FAM3A: variants seen among roughly 807,000 people sequenced by gnomAD.
FAM3A encodes the protein protein FAM3A.
Under a neutral mutation model 18.1 loss-of-function variants are expected in FAM3A, and 5 were observed. The observed-to-expected ratio is 0.28, with a 90% CI of 0.14 to 0.58. The LOEUF (loss-of-function observed/expected upper bound fraction) is 0.58. FAM3A is among the 20% of genes least tolerant of loss of function. The pLI is 0.91. For missense variants in FAM3A, 154 were observed against 216.6 expected (o/e 0.71, Z 1.81); for synonymous variants, 108 against 90.2 (o/e 1.20, Z -1.12).
At chrX:154,508,229 G>T in intron 5 of FAM3A, 60 bp downstream of exon 5, 1 of 904,902 alleles carries the variant, frequency 1.1e-6, no homozygotes, top group Non-Finnish European at 1.5e-6. Flanking sequence ...ACACCCAGAG[G>T]CCTCCTGGGG....
In FAM3A at chrX:154,507,655, C is replaced by T. The variant is rs181357352; in HGVS notation, c.385+156G>A. 1,820 of 807,332 alleles carry T rather than the reference C, an allele frequency of 2.3e-3. 23 individuals carry two copies. In the African/African-American group the frequency reaches 0.034, roughly 15 times the overall value. The allele number at this position is 807,332 out of a possible 1,213,427, so 66.5% of individuals were successfully genotyped here. On this transcript the variant is annotated intron_variant, in intron 6 of 8. Transcript: ENST00000447601. ...GCTGAGGCATCCCCGTGACCTCCCA[C>T]AGCCTCCAGACCAAGCTGGCGATGC...
chrX:154,507,693 T>G (rs2069628740), intron 6 of FAM3A, 118 bp downstream of exon 6: 3 of 899,026 alleles, frequency 3.3e-6, no homozygotes. Flanking sequence ...CTGTCCTTTC[T>G]GAACCCACGG....
At chrX:154,507,020 C>A (rs2148289084) in intron 8 of FAM3A, 114 bp from the exon 9 acceptor site, 3 of 889,646 alleles carry the variant, frequency 3.4e-6, no homozygotes, top group East Asian at 3.4e-5. Context: ...GGTGTACTCT[C>A]AGGGCACTTG....
Position 154,507,290 on chromosome X carries a change from G to A in FAM3A, c.510C>T (p.Gly170=). ...EETRKLFSEL[G]SRNAKELAFR... ...AGGCCAGCTCCTTGGCGTTCCTGCT[G>A]CCCAGCTCACTGAAGAGCTTTCTGG... Residue 170 remains glycine (G), a synonymous_variant, in exon 8 of 9, where the codon GGC becomes GGT. Transcript: ENST00000447601. 1 of 1,211,794 alleles carries A rather than the reference G, an allele frequency of 8.3e-7. No individual in the cohort carries two copies. The highest frequency in any genetic ancestry group is 1.1e-6 in the Non-Finnish European group (1 of 895,403).
chrX:154,506,996 C>T (rs2069570502), intron 8 of FAM3A, 90 bp from the exon 9 acceptor site: 7 of 922,626 alleles, frequency 7.6e-6, no homozygotes, highest in African/African-American at 5.8e-5. Context: ...GTCAACTGTG[C>T]TGTGTTGGCC....
rs782723055 is a variant in FAM3A at position 154,508,356 on chromosome X, G to C, written c.276-9C>G. The C allele has an allele frequency of 1.8e-5, 10 of 547,387 alleles. No homozygotes were observed. The highest frequency in any genetic ancestry group is 1.1e-4 in the South Asian group (4 of 35,451). 45.1% of individuals were successfully genotyped at this position (547,387 alleles called of 1,213,427 possible). A position where few individuals can be genotyped will look rare whatever the true frequency, so the allele number is the denominator to read the frequency against. Reference sequence around the variant, plus strand: ...TGACGCTGCTCATCAGCCTAGTTGGGGGGGGGTGGGGGGGACGGGGAGATC... The same window carrying C: ...TGACGCTGCTCATCAGCCTAGTTGGCGGGGGGTGGGGGGGACGGGGAGATC... On this transcript the variant is annotated splice_polypyrimidine_tract_variant and intron_variant, in intron 4 of 8. Transcript: ENST00000447601.
chrX:154,513,926 A>C, intron 1 of FAM3A, among the ~76,000 whole-genome samples: 1 of 107,810 alleles, frequency 9.3e-6, no homozygotes, highest in East Asian at 3.0e-4. Context: ...CTCCCACCCT[A>C]CTCCAGTCTG....
rs1282850399 is a variant in FAM3A at position 154,507,062 on chromosome X, T to C, written c.597+141A>G. 6.4e-6 allele frequency: 6 copies of C among 939,862 alleles called. No homozygotes were observed. The East Asian group carries it at 1.7e-4, about 26-fold the overall frequency. 77.5% of individuals were successfully genotyped at this position (939,862 alleles called of 1,213,427 possible). On this transcript the variant is annotated intron_variant, in intron 8 of 8. Transcript: ENST00000447601. ...CCACCCATCCCAGGGAAACATGGCATCAGCTGCACTGGCCCACCCCTCATA... is the reference window on the plus strand; with the variant it reads ...CCACCCATCCCAGGGAAACATGGCACCAGCTGCACTGGCCCACCCCTCATA...
chrX:154,507,350 G>T (rs782530648), intron 7 of FAM3A, 21 bp from the exon 8 acceptor site: 1 of 1,211,846 alleles, frequency 8.3e-7, no homozygotes. Flanking sequence ...GGAGGAAGGG[G>T]TGTCAGCTGT....
rs1203481220 is a variant in FAM3A, at chrX:154,506,725, G to T, written c.*86C>A. The T allele has an allele frequency of 1.1e-5, 8 of 754,167 alleles. No homozygotes were observed. The Admixed American group carries it at 1.7e-4, about 16-fold the overall frequency. The allele number at this position is 754,167 out of a possible 1,213,427, so 62.2% of individuals were successfully genotyped here. ...GGGAGCGCTCCTGCCCGGGTGTGGG[G>T]TGTGAGCCTCAGCCTCTGTCCGCCC... On this transcript the variant is annotated 3_prime_UTR_variant, in exon 9 of 9. Coordinates refer to ENST00000447601, the MANE Select transcript of FAM3A (RefSeq NM_021806.4).
intron 2 of FAM3A, 80 bp from the exon 3 acceptor site, chrX:154,511,951 G>A (rs1405363165): frequency 9.5e-6 from 9 of 951,431 alleles, no homozygotes; most frequent in African/African-American, 3.9e-5. Context: ...CTTACACCGC[G>A]AAGTGTAGAC....
In FAM3A at chrX:154,506,560, A is replaced by C; in HGVS notation, c.*251T>G. ...GGGCTAGATGGGCTGACCGGGGGGAACAGTGTTACGAAAAGGAGGCGGGTA... is the reference window on the plus strand; with the variant it reads ...GGGCTAGATGGGCTGACCGGGGGGACCAGTGTTACGAAAAGGAGGCGGGTA... On this transcript the variant is annotated 3_prime_UTR_variant, in exon 9 of 9. Transcript: ENST00000447601. The C allele has an allele frequency of 2.6e-6, 1 of 388,729 alleles. No homozygotes were observed. The highest frequency in any genetic ancestry group is 4.6e-6 in the Non-Finnish European group (1 of 219,412). The allele number at this position is 388,729 out of a possible 1,213,427, so 32.0% of individuals were successfully genotyped here. A position where few individuals can be genotyped will look rare whatever the true frequency, so the allele number is the denominator to read the frequency against.
Position 154,507,486 on chromosome X carries a change from G to A in FAM3A, c.390C>T (p.Val130=), listed in dbSNP as rs1480860257. The part of the protein sequence containing the change: ...ARAFDMWAGD[V]NDLLKFIRPL... ...GCCGAATAAACTTCAACAGGTCGTT[G>A]ACATCTGGGGGGGCAGGTGCCACGG... The change falls in exon 7 of 9, where the codon GTC becomes GTT. Residue 130 remains valine, a synonymous_variant. Transcript: ENST00000447601. 1.7e-6 allele frequency: 2 copies of A among 1,209,336 alleles called. No individual in the cohort carries two copies. The highest frequency in any genetic ancestry group is 2.2e-6 in the Non-Finnish European group (2 of 894,752).
At chrX:154,514,499 T>G (rs781980654) in intron 1 of FAM3A, among the ~76,000 whole-genome samples, 5 of 109,055 alleles carry the variant, frequency 4.6e-5, no homozygotes, top group African/African-American at 1.0e-4. Flanking sequence ...CGCCTCCCGG[T>G]TACACGCCAT....
chrX:154,514,398 C>T (rs782165789), intron 1 of FAM3A, among the ~76,000 whole-genome samples: 2 of 109,464 alleles, frequency 1.8e-5, no homozygotes, highest in Admixed American at 1.9e-4. Flanking sequence ...CGCGCACCAC[C>T]GTGCCTGGCT....
rs781965439 is a variant in FAM3A at position 154,507,834 on chromosome X, C to T, written c.362G>A (p.Arg121Gln). 31 of 1,192,819 alleles carry T rather than the reference C, an allele frequency of 2.6e-5. No homozygotes were observed. Among genetic ancestry groups the T allele is most frequent in the South Asian group, 9.2e-5 (5 of 54,354 alleles). ...NGVSGELIEA[R>Q]AFDMWAGDVN... ...ACCTCCGGCCCACATGTCAAAGGCC[C>T]GGGCCTCGATGAGCTCGCCGCTGAC... Residue 121 changes from arginine to glutamine, a missense_variant, in exon 6 of 9, where the codon CGG (arginine) becomes CAG (glutamine). This residue lies in a region of FAM3A where 112 missense variants were observed against 160.0 expected (regional missense o/e 0.70). Transcript: ENST00000447601.
In FAM3A at chrX:154,515,823, G is replaced by A; in HGVS notation, c.-51C>T. 1 of 1,201,922 alleles carries A rather than the reference G, an allele frequency of 8.3e-7. No homozygotes were observed. Among genetic ancestry groups the A allele is most frequent in the Non-Finnish European group, 1.1e-6 (1 of 886,910 alleles). On this transcript the variant is annotated 5_prime_UTR_variant, in exon 1 of 9. Transcript: ENST00000447601. ...CCGCCGGCAAGTGCACTGTTTGGGG[G>A]CAAAGCGGAAGGACAGGTTTGGGTG... is the stretch of plus-strand genomic sequence containing the variant.
At chrX:154,510,960 T>C in intron 3 of FAM3A, 1 of 110,979 alleles carries the variant, frequency 9.0e-6, no homozygotes, top group Non-Finnish European at 1.9e-5. Flanking sequence ...AATTGTGTTC[T>C]AGTGTTTTGT....
Position 154,507,257 on chromosome X carries a change from G to A in FAM3A, c.543C>T (p.Asp181=), listed in dbSNP as rs1569555613. Residue 181 remains aspartate, a synonymous_variant, in exon 8 of 9, where the codon GAC becomes GAT. Transcript: ENST00000447601. ...SRNAKELAFR[D]SWVFVGAKGV... ...CCTTGGCCCCGACAAACACCCAGCT[G>A]TCCCGGAAGGCCAGCTCCTTGGCGT... 2.5e-6 allele frequency: 3 copies of A among 1,210,755 alleles called. No homozygotes were observed. The East Asian group carries it at 8.9e-5, about 36-fold the overall frequency.
Sources: gnomAD v4.1 joint callset for allele counts (sites outside exome capture counted in the v4.1 genomes callset) on GRCh38, gnomAD v4.1.1 for gene constraint, gnomAD v4.1.1 regional missense constraint, MANE v1.5 for transcripts, NCBI Gene and HGNC (gene_info 2026-07-23, HGNC 2026-07-21) for gene names.